The following P3H2 variants were observed in gnomAD, a reference collection of about 807,000 sequenced individuals.
The protein encoded by P3H2 is leprecan-like 1.
P3H2 carries 80 observed loss-of-function variants against 87.0 expected under a neutral mutation model. That is an observed-to-expected ratio of 0.92 (90% CI 0.77 to 1.11). The LOEUF is 1.11. Among genes scored for constraint, P3H2 ranks in the 50% least tolerant of loss-of-function variants. P3H2 has a pLI of 0.00. For synonymous variants in P3H2, 367 were observed against 359.3 expected (o/e 1.02, Z -0.24); for missense variants, 1,001 against 923.9 (o/e 1.08, Z -1.08).
intron 1 of P3H2, among the ~76,000 whole-genome samples, chr3:190,033,003 A>G (rs1447529593): frequency 6.6e-6 from 1 of 152,250 alleles, no homozygotes; most frequent in African/African-American, 2.4e-5. Context: ...TTCTGAAACT[A>G]GACGGTCCCA....
rs750783069 is a variant in P3H2 at position 189,974,620 on chromosome 3, G to A, written c.1390C>T (p.Arg464Trp). 7 of 1,614,016 alleles carry A rather than the reference G, an allele frequency of 4.3e-6. No individual in the cohort carries two copies. Among genetic ancestry groups the A allele is most frequent in the Non-Finnish European group, 3.4e-6 (4 of 1,180,024 alleles). ...GACAGGACGTTATCCAGGAGAACCC[G>A]CTGAGTCCCGTTCAGCTGCTCCGAG... The part of the protein sequence containing the change: ...YNSEQLNGTQ[R>W]VLLDNVLSEE... The change falls in exon 9 of 15, where the codon CGG becomes TGG. Residue 464 changes from arginine to tryptophan, a missense_variant. Physicochemically the swap from Arg to Trp is moderately radical, Grantham distance 101. Transcript: ENST00000319332.
chr3:190,041,860 T>C (rs1026214335), intron 1 of P3H2, among the ~76,000 whole-genome samples: 1 of 152,180 alleles, frequency 6.6e-6, no homozygotes, highest in Admixed American at 6.5e-5. Flanking sequence ...TTAAAAAAAA[T>C]TTTAACATAC....
chr3:190,079,341 AAAATAAAT>A (rs200007107), intron 1 of P3H2, among the ~76,000 whole-genome samples: 1,973 of 142,020 alleles, frequency 0.014, 20 homozygotes, highest in African/African-American at 0.021. Flanking sequence ...TCTGTCTCAA[AAAATAAAT>A]AAATAAATAA....
chr3:190,058,708 G>C (rs1378598809), intron 1 of P3H2, among the ~76,000 whole-genome samples: 2 of 152,130 alleles, frequency 1.3e-5, no homozygotes, highest in Non-Finnish European at 2.9e-5. Flanking sequence ...AAACCAGTCA[G>C]CAAAATTCAA....
intron 1 of P3H2, among the ~76,000 whole-genome samples, chr3:190,109,936 C>A (rs112977171): frequency 0.12 from 18,624 of 150,846 alleles, 1,276 homozygotes; most frequent in Middle Eastern, 0.21. Context: ...GCAGCCTCTC[C>A]CTCCCAGGTT....
chr3:190,080,118 A>G (rs1726995850), intron 1 of P3H2, among the ~76,000 whole-genome samples: 1 of 152,246 alleles, frequency 6.6e-6, no homozygotes, highest in African/African-American at 2.4e-5. Context: ...TAGAATCTTG[A>G]AAATCAGTTC....
intron 1 of P3H2, among the ~76,000 whole-genome samples, chr3:190,015,790 C>G (rs1724734902): frequency 6.6e-6 from 1 of 152,156 alleles, no homozygotes; most frequent in African/African-American, 2.4e-5. Context: ...CCTTGGAGGG[C>G]TGCTTGAGAC....
intron 13 of P3H2, among the ~76,000 whole-genome samples, chr3:189,970,605 T>C (rs1723149112): frequency 6.6e-6 from 1 of 152,076 alleles, no homozygotes; most frequent in South Asian, 2.1e-4. Context: ...GATTAATATC[T>C]CAATTCTTTA....
chr3:190,103,874 C>T (rs1560402847), intron 1 of P3H2, among the ~76,000 whole-genome samples: 1 of 152,012 alleles, frequency 6.6e-6, no homozygotes, highest in African/African-American at 2.4e-5. Flanking sequence ...TCACTGCAAC[C>T]TCTGCCTCCC....
chr3:190,084,809 G>A (rs1727157582), intron 1 of P3H2, among the ~76,000 whole-genome samples: 2 of 152,120 alleles, frequency 1.3e-5, no homozygotes, highest in African/African-American at 4.8e-5. Flanking sequence ...TTTAGCCACA[G>A]TCTCTACAAC....
intron 1 of P3H2, among the ~76,000 whole-genome samples, chr3:190,119,231 C>CAG (rs1560025948): frequency 1.3e-4 from 16 of 121,840 alleles, no homozygotes; most frequent in Middle Eastern, 5.0e-3. Flanking sequence ...AAGCAGAGCA[C>CAG]AGCAGAGCAG....
At chr3:190,118,234 T>C (rs1400166469) in intron 1 of P3H2, among the ~76,000 whole-genome samples, 1 of 151,954 alleles carries the variant, frequency 6.6e-6, no homozygotes, top group East Asian at 1.9e-4. Context: ...TCATGGTTAT[T>C]TGTTTTTATA....
At chr3:190,016,824 C>A (rs1724771187) in intron 1 of P3H2, among the ~76,000 whole-genome samples, 1 of 152,168 alleles carries the variant, frequency 6.6e-6, no homozygotes, top group African/African-American at 2.4e-5. Flanking sequence ...AGCAACAGGA[C>A]ATTCACTACC....
intron 4 of P3H2, 111 bp from the exon 5 acceptor site, chr3:189,987,780 G>C: frequency 8.0e-7 from 1 of 1,252,568 alleles, no homozygotes; most frequent in Non-Finnish European, 1.2e-6. Flanking sequence ...TGAATAAGAG[G>C]GAAGATAAAT....
chr3:190,053,607 G>A (rs750256095), intron 1 of P3H2, among the ~76,000 whole-genome samples: 31 of 151,850 alleles, frequency 2.0e-4, no homozygotes, highest in Non-Finnish European at 3.5e-4. Context: ...ACAGGTACCC[G>A]CCACCATGCC....
chr3:189,973,692 T>A (rs1723255298), intron 10 of P3H2, among the ~76,000 whole-genome samples: 1 of 151,526 alleles, frequency 6.6e-6, no homozygotes, highest in African/African-American at 2.4e-5. Context: ...CCTGGCTAAT[T>A]TTTTTGTATT....
At chr3:190,087,390 AG>A (rs931773041) in intron 1 of P3H2, among the ~76,000 whole-genome samples, 3 of 151,766 alleles carry the variant, frequency 2.0e-5, no homozygotes, top group African/African-American at 7.3e-5. Flanking sequence ...CAAAAAAAAA[AG>A]AAATTAGCTG....
At chr3:190,045,757 A>G (rs890702092) in intron 1 of P3H2, among the ~76,000 whole-genome samples, 2 of 145,058 alleles carry the variant, frequency 1.4e-5, no homozygotes, top group Admixed American at 1.5e-4. Context: ...CACCTTAGGA[A>G]GATAATTTCG....
In P3H2 at chr3:189,957,075, A is replaced by C; in HGVS notation, c.*837T>G. The C allele has an allele frequency of 2.5e-6, 1 of 398,614 alleles. No individual in the cohort carries two copies. The allele number at this position is 398,614 out of a possible 1,614,324, so 24.7% of individuals were successfully genotyped here. On this transcript the variant is annotated 3_prime_UTR_variant, in exon 15 of 15. Transcript: ENST00000319332. ...AGGGTGAATCAAAGCTTCCAGTGTAAGTTTATTGTCTGGCGAAAACACCAG... is the reference window on the plus strand; with the variant it reads ...AGGGTGAATCAAAGCTTCCAGTGTACGTTTATTGTCTGGCGAAAACACCAG...
Sources: allele counts gnomAD v4.1 joint callset (sites outside exome capture counted in the v4.1 genomes callset), GRCh38; gene constraint gnomAD v4.1.1; transcripts MANE v1.5; gene names NCBI Gene and HGNC (gene_info 2026-07-23, HGNC 2026-07-21).